INIP: variants seen among roughly 807,000 people sequenced by gnomAD.
INIP encodes INTS3 and NABP interacting protein.
In INIP, 9 loss-of-function variants were observed where a neutral mutation model predicts 14.0. That is an observed-to-expected ratio of 0.64 (90% CI 0.39 to 1.12). INIP has a LOEUF of 1.12. INIP is among the 50% of genes most tolerant of loss of function. The pLI is 0.01. For synonymous variants in INIP, 37 were observed against 41.5 expected, an observed-to-expected ratio of 0.89 and a Z score of 0.41; for missense variants, 78 against 122.7, an observed-to-expected ratio of 0.64 and a Z score of 1.72.
At chr9:112,693,217 T>C (rs566237540) in intron 3 of INIP, among the ~76,000 whole-genome samples, 1 of 152,246 alleles carries the variant, frequency 6.6e-6, no homozygotes, top group Non-Finnish European at 1.5e-5. Flanking sequence ...CTGAAAGCAA[T>C]TAAGAAGCAG....
chr9:112,684,247 ATAAG>A lies in INIP; in HGVS notation c.*3287_*3290del, dbSNP rs1438329324. The A allele has an allele frequency of 1.3e-5, 2 of 152,170 alleles. No individual in the cohort carries two copies. The highest frequency in any genetic ancestry group is 2.4e-5 in the African/African-American group (1 of 41,450). 9.4% of individuals were successfully genotyped at this position (152,170 alleles called of 1,614,324 possible). A position where few individuals can be genotyped will look rare whatever the true frequency, so the allele number is the denominator to read the frequency against. ...ACTAGTGGAACAGACAATAGACAAAATAAGTAAGCCAGATGCAGTGGCTCACACC... is the reference window on the plus strand; with the variant it reads ...ACTAGTGGAACAGACAATAGACAAAATAAGCCAGATGCAGTGGCTCACACC... On this transcript the variant is annotated 3_prime_UTR_variant, in exon 5 of 5. Transcript: ENST00000374242.
intron 2 of INIP, 87 bp from the exon 3 acceptor site, chr9:112,694,320 T>C: frequency 1.3e-6 from 1 of 774,194 alleles, no homozygotes; most frequent in Non-Finnish European, 2.2e-6. Context: ...CTAAGTCATC[T>C]AGAACCAAGA....
At chr9:112,691,862 T>C (rs1837897050) in intron 3 of INIP, among the ~76,000 whole-genome samples, 1 of 152,058 alleles carries the variant, frequency 6.6e-6, no homozygotes, top group Non-Finnish European at 1.5e-5. Flanking sequence ...TTACAAAAGT[T>C]TGCTGGGTGT....
intron 2 of INIP, among the ~76,000 whole-genome samples, chr9:112,695,843 G>T (rs1003398479): frequency 2.6e-5 from 3 of 114,980 alleles, no homozygotes; most frequent in African/African-American, 1.4e-4. Context: ...AGAAGAAGGA[G>T]AAGAAGAAGG....
chr9:112,713,044 C>G (rs931352156), intron 2 of INIP, among the ~76,000 whole-genome samples: 5 of 152,152 alleles, frequency 3.3e-5, no homozygotes, highest in Admixed American at 2.0e-4. Flanking sequence ...GGAGGAAATA[C>G]GTGCAAAACA....
At chr9:112,698,372 C>T (rs1249374592) in intron 2 of INIP, among the ~76,000 whole-genome samples, 1 of 150,848 alleles carries the variant, frequency 6.6e-6, no homozygotes, top group Non-Finnish European at 1.5e-5. Context: ...TTTCCAGCTC[C>T]AACACATGAA....
chr9:112,705,568 C>T (rs1198767237), intron 2 of INIP, among the ~76,000 whole-genome samples: 2 of 152,088 alleles, frequency 1.3e-5, no homozygotes, highest in African/African-American at 4.8e-5. Context: ...ACTTTGGCCT[C>T]CCAAAGTGCT....
chr9:112,717,450 G>T (rs1181264087), intron 1 of INIP, among the ~76,000 whole-genome samples: 1 of 151,642 alleles, frequency 6.6e-6, no homozygotes, highest in Non-Finnish European at 1.5e-5. Flanking sequence ...ATCCTGGGGA[G>T]ATCCAAGATG....
At chr9:112,701,895 A>AG in intron 2 of INIP, 1 of 152,192 alleles carries the variant, frequency 6.6e-6, no homozygotes, top group East Asian at 1.9e-4. Flanking sequence ...ACAAAAAAAA[A>AG]AAAAATTTTT....
chr9:112,690,601 C>T (rs936793207), intron 3 of INIP, among the ~76,000 whole-genome samples: 34 of 152,218 alleles, frequency 2.2e-4, no homozygotes, highest in Non-Finnish European at 4.3e-4. Context: ...AAACTTGGTT[C>T]AATTATCAGT....
intron 2 of INIP, among the ~76,000 whole-genome samples, chr9:112,706,312 A>T (rs186619437): frequency 1.3e-5 from 2 of 152,274 alleles, no homozygotes; most frequent in Non-Finnish European, 2.9e-5. Flanking sequence ...AAAAAACTAA[A>T]AATAGAGCTC....
In INIP at chr9:112,694,223, G is replaced by A; in HGVS notation, c.36C>T (p.Asn12=). The A allele has an allele frequency of 6.2e-7, 1 of 1,602,234 alleles. No homozygotes were observed. The highest frequency in any genetic ancestry group is 8.5e-7 in the Non-Finnish European group (1 of 1,172,946). The part of the protein sequence containing the change: ...AANSSGQGFQ[N]KNRVAILAEL... ...CTGCCAAGATTGCAACTCTATTTTTGTTTTGAAAACCTAAAAAAAAGAGGG... is the reference window on the plus strand; with the variant it reads ...CTGCCAAGATTGCAACTCTATTTTTATTTTGAAAACCTAAAAAAAAGAGGG... The change falls in exon 3 of 5, where the codon AAC becomes AAT. Residue 12 remains asparagine (N), a synonymous_variant. Transcript: ENST00000374242.
chr9:112,688,842 C>G (rs1837777120), intron 4 of INIP, among the ~76,000 whole-genome samples: 1 of 152,002 alleles, frequency 6.6e-6, no homozygotes, highest in South Asian at 2.1e-4. Context: ...GAGACCTTGT[C>G]TCTAAAAAAT....
chr9:112,700,923 C>T (rs984696346), intron 2 of INIP, among the ~76,000 whole-genome samples: 3 of 151,956 alleles, frequency 2.0e-5, no homozygotes, highest in Non-Finnish European at 4.4e-5. Flanking sequence ...TGCATTCCAA[C>T]CTGCGCAAAA....
In INIP at chr9:112,687,645, T is replaced by A. The variant is rs1195292190; in HGVS notation, c.220-12A>T. The A allele has an allele frequency of 2.0e-6, 3 of 1,485,688 alleles. No individual in the cohort carries two copies. The highest frequency in any genetic ancestry group is 1.4e-5 in the African/African-American group (1 of 72,690). 92.0% of individuals were successfully genotyped at this position (1,485,688 alleles called of 1,614,324 possible). ...TGTGCATGAGCATGCTGGGAAAGAT[T>A]AAAAACAAAAAGGCAATTAAGCTAT... is the stretch of plus-strand genomic sequence containing the variant. On this transcript the variant is annotated splice_polypyrimidine_tract_variant and intron_variant, in intron 4 of 4. Coordinates refer to ENST00000374242, the MANE Select transcript of INIP (RefSeq NM_021218.3).
At chr9:112,713,458 C>A (rs550837460) in intron 2 of INIP, among the ~76,000 whole-genome samples, 2 of 152,024 alleles carry the variant, frequency 1.3e-5, no homozygotes, top group Non-Finnish European at 2.9e-5. Flanking sequence ...TTTGGGAGGC[C>A]GAGGTGGGAG....
At chr9:112,691,686 C>T (rs1564223561) in intron 3 of INIP, among the ~76,000 whole-genome samples, 3 of 152,158 alleles carry the variant, frequency 2.0e-5, no homozygotes, top group Non-Finnish European at 4.4e-5. Flanking sequence ...TTACATTCTC[C>T]GAGTGAGCAA....
At chr9:112,715,824 A>G (rs938663384) in intron 2 of INIP, among the ~76,000 whole-genome samples, 4 of 151,918 alleles carry the variant, frequency 2.6e-5, no homozygotes, top group Non-Finnish European at 4.4e-5. Context: ...AAAGTTTTCT[A>G]TTTTTAAAAT....
chr9:112,694,370 C>G, intron 2 of INIP, 137 bp from the exon 3 acceptor site: 1 of 601,462 alleles, frequency 1.7e-6, no homozygotes, highest in Non-Finnish European at 2.9e-6. Flanking sequence ...ATGAATTCAC[C>G]AGTAAGTACT....
Sources: gnomAD v4.1 joint callset for allele counts (sites outside exome capture counted in the v4.1 genomes callset) on GRCh38, gnomAD v4.1.1 for gene constraint, MANE v1.5 for transcripts, NCBI Gene and HGNC (gene_info 2026-07-23, HGNC 2026-07-21) for gene names.